Variants in GAS7 observed in about 807,000 individuals in gnomAD.
The protein encoded by GAS7 is growth arrest-specific protein 7.
Under a neutral mutation model 71.1 loss-of-function variants are expected in GAS7, and 28 were observed. The observed-to-expected ratio is 0.39, with a 90% CI of 0.29 to 0.54. GAS7 has a LOEUF of 0.54. GAS7 is among the 20% of genes least tolerant of loss of function. The pLI is 0.62. For missense variants in GAS7, 436 were observed against 627.8 expected (o/e 0.69, Z 3.27); for synonymous variants, 258 against 245.8 (o/e 1.05, Z -0.46).
chr17:9,947,179 A>G (rs2068819299), intron 5 of GAS7, among the ~76,000 whole-genome samples, 196 bp from the exon 6 acceptor site: 1 of 152,156 alleles, frequency 6.6e-6, no homozygotes, highest in South Asian at 2.1e-4. Flanking sequence ...TGGGCTGTGA[A>G]CCAGTACCAC....
At chr17:10,193,233 T>C (rs1488101886) in intron 1 of GAS7, among the ~76,000 whole-genome samples, 1 of 132,254 alleles carries the variant, frequency 7.6e-6, no homozygotes, top group Non-Finnish European at 1.6e-5. Context: ...GTTTATCATG[T>C]GGCCTTTAGA....
At chr17:10,011,339 C>T (rs2071764642) in intron 2 of GAS7, among the ~76,000 whole-genome samples, 1 of 152,140 alleles carries the variant, frequency 6.6e-6, no homozygotes, top group South Asian at 2.1e-4. Context: ...ATGGTACAAA[C>T]CAAATGTGTA....
At chr17:10,077,884 T>C (rs1330263620) in intron 1 of GAS7, among the ~76,000 whole-genome samples, 1 of 151,340 alleles carries the variant, frequency 6.6e-6, no homozygotes, top group African/African-American at 2.4e-5. Flanking sequence ...AAGAAAGAAA[T>C]AGGATGATGG....
At chr17:10,113,580 C>A (rs963339617) in intron 1 of GAS7, among the ~76,000 whole-genome samples, 2 of 152,190 alleles carry the variant, frequency 1.3e-5, no homozygotes, top group African/African-American at 2.4e-5. Context: ...AGAGGGGATA[C>A]CTGTGTTCAG....
At chr17:10,171,436 G>A (rs972312850) in intron 1 of GAS7, among the ~76,000 whole-genome samples, 1 of 152,182 alleles carries the variant, frequency 6.6e-6, no homozygotes, top group African/African-American at 2.4e-5. Flanking sequence ...AATTTAGCAG[G>A]AAATCGGCTT....
At chr17:10,047,327 C>T (rs979688890) in intron 1 of GAS7, among the ~76,000 whole-genome samples, 1 of 152,146 alleles carries the variant, frequency 6.6e-6, no homozygotes, top group Non-Finnish European at 1.5e-5. Flanking sequence ...TGACAGTTCA[C>T]CAGGCAAAGG....
At chr17:10,146,925 G>C (rs993140418) in intron 1 of GAS7, among the ~76,000 whole-genome samples, 1 of 148,104 alleles carries the variant, frequency 6.8e-6, no homozygotes, top group Admixed American at 7.0e-5. Flanking sequence ...AGTTTGTAGT[G>C]AGCTGAGATC....
intron 1 of GAS7, among the ~76,000 whole-genome samples, chr17:10,197,157 T>C (rs1329950112): frequency 3.3e-5 from 5 of 152,214 alleles, no homozygotes; most frequent in Non-Finnish European, 7.3e-5. Flanking sequence ...ACCATTTCAC[T>C]TCTTTCTTTC....
rs543935419 is a variant in GAS7 at position 10,070,217 on chromosome 17, C to T, written c.184-50320G>A. On this transcript the variant is annotated intron_variant, in intron 1 of 13. Coordinates refer to ENST00000432992, the MANE Select transcript of GAS7 (RefSeq NM_201433.2). ...TCTTGAGGTTTGTTCCATCTCCTTC[C>T]TCTCTCATTCATTCTCATTTATTCG... Among the ~76,000 whole-genome samples, 3 of 152,206 alleles carry T rather than the reference C, an allele frequency of 2.0e-5. No individual in the cohort carries two copies. In the East Asian group the frequency reaches 5.8e-4, roughly 29 times the overall value.
intron 1 of GAS7, among the ~76,000 whole-genome samples, chr17:10,191,047 T>A (rs940066277): frequency 1.3e-5 from 2 of 151,784 alleles, no homozygotes; most frequent in African/African-American, 4.8e-5. Context: ...TGGTGGCGCA[T>A]GCCCGTAATC....
intron 1 of GAS7, among the ~76,000 whole-genome samples, chr17:10,071,644 G>T (rs1236591365): frequency 6.6e-6 from 1 of 152,110 alleles, no homozygotes; most frequent in Non-Finnish European, 1.5e-5. Flanking sequence ...ACAAATAAAG[G>T]CCAGGCGCAG....
chr17:10,146,841 G>T (rs1004225467), intron 1 of GAS7, among the ~76,000 whole-genome samples: 1 of 152,078 alleles, frequency 6.6e-6, no homozygotes, highest in Admixed American at 6.6e-5. Flanking sequence ...AAAATTAGCC[G>T]GGCGTGGTGG....
intron 6 of GAS7, among the ~76,000 whole-genome samples, chr17:9,946,166 T>C (rs2068778787): frequency 2.0e-5 from 3 of 152,176 alleles, no homozygotes; most frequent in Admixed American, 2.0e-4. Flanking sequence ...TGAAAGTCAC[T>C]ATGACTTTAA....
At chr17:9,950,966 G>C (rs1372592543) in intron 5 of GAS7, among the ~76,000 whole-genome samples, 1 of 152,166 alleles carries the variant, frequency 6.6e-6, no homozygotes, top group Admixed American at 6.5e-5. Context: ...TTTTCTCCCA[G>C]GCCTCAGCAG....
chr17:10,003,148 G>A (rs1818428877), intron 2 of GAS7, among the ~76,000 whole-genome samples: 1 of 152,212 alleles, frequency 6.6e-6, no homozygotes, highest in Admixed American at 6.5e-5. Flanking sequence ...GTGATAGGAG[G>A]CTTGGATAGA....
chr17:10,117,492 G>C (rs2073870937), intron 1 of GAS7, among the ~76,000 whole-genome samples: 1 of 152,148 alleles, frequency 6.6e-6, no homozygotes. Context: ...AGCATGCCTG[G>C]AACATTTAAA....
chr17:9,972,348 G>C (rs1801463604), intron 3 of GAS7, among the ~76,000 whole-genome samples: 1 of 152,204 alleles, frequency 6.6e-6, no homozygotes, highest in African/African-American at 2.4e-5. Flanking sequence ...GGAAAGACAT[G>C]AGCCTGATGA....
chr17:9,959,551 C>A lies in GAS7; in HGVS notation c.472-296G>T, dbSNP rs912192617. On this transcript the variant is annotated intron_variant, in intron 4 of 13. Transcript: ENST00000432992. This position sits in a 1 kb window ranked among gnomAD's most constrained non-coding sequence, Gnocchi z 5.0. ...TCAGTCTGTGATTTGGGGAGTTAAC[C>A]CCTCCGCTGCCCTCTGCTGGTGAAC... 8.1e-6 allele frequency: 7 copies of A among 859,772 alleles called. No homozygotes were observed. In the African/African-American group the frequency reaches 1.0e-4, roughly 13 times the overall value. The allele number at this position is 859,772 out of a possible 1,614,324, so 53.3% of individuals were successfully genotyped here.
rs572192591 is a variant in GAS7 at position 10,181,467 on chromosome 17, G to A, written c.183+16741C>T. Among the ~76,000 whole-genome samples the A allele has an allele frequency of 9.2e-5, 14 of 152,132 alleles. No individual in the cohort carries two copies. In the East Asian group the frequency reaches 1.5e-3, roughly 17 times the overall value. On this transcript the variant is annotated intron_variant, in intron 1 of 13. Transcript: ENST00000432992. ...GAGGATGGGGGAGGAGGGTTACTTC[G>A]AGGAACAGGAACAGCATGCACAGGG...
Sources: allele counts gnomAD v4.1 joint callset (sites outside exome capture counted in the v4.1 genomes callset), GRCh38; gene constraint gnomAD v4.1.1; non-coding constraint Gnocchi (gnomAD v3.1); transcripts MANE v1.5; gene names NCBI Gene and HGNC (gene_info 2026-07-23, HGNC 2026-07-21).